Variants in IQCM observed in about 807,000 individuals in gnomAD.
The protein encoded by IQCM is IQ motif containing M.
Under a neutral mutation model 57.6 loss-of-function variants are expected in IQCM, and 45 were observed. The ratio of observed to expected loss-of-function variants is 0.78; its 90% CI spans 0.62 to 1.00. The LOEUF is 1.00. Among genes scored for constraint, IQCM ranks in the 50% least tolerant of loss-of-function variants. The pLI, the probability that IQCM is intolerant of heterozygous loss-of-function variation, is 0.00. For synonymous variants in IQCM, 148 were observed against 158.9 expected, an observed-to-expected ratio of 0.93 and a Z score of 0.51; for missense variants, 468 against 511.6, an observed-to-expected ratio of 0.91 and a Z score of 0.82.
intron 5 of IQCM, among the ~76,000 whole-genome samples, chr4:149,718,499 T>C (rs186968435): frequency 6.6e-6 from 1 of 152,344 alleles, no homozygotes; most frequent in Admixed American, 6.5e-5. Flanking sequence ...ACTTCTATAC[T>C]CCTTTTGACA....
chr4:149,377,395 T>G (rs986053771), intron 13 of IQCM, among the ~76,000 whole-genome samples: 4 of 152,158 alleles, frequency 2.6e-5, no homozygotes, highest in Non-Finnish European at 1.5e-5. Context: ...TCATCTGGAA[T>G]GATGCTTGCA....
intron 13 of IQCM, among the ~76,000 whole-genome samples, chr4:149,364,208 AAG>A (rs1729682978): frequency 6.6e-6 from 1 of 152,170 alleles, no homozygotes; most frequent in South Asian, 2.1e-4. Context: ...GGAATAGAAA[AAG>A]AGAAATCTCA....
intron 2 of IQCM, among the ~76,000 whole-genome samples, chr4:149,799,577 A>G (rs563454261): frequency 6.6e-6 from 1 of 151,934 alleles, no homozygotes; most frequent in South Asian, 2.1e-4. Flanking sequence ...AACTAAAATG[A>G]CCAACCTTTA....
intron 12 of IQCM, among the ~76,000 whole-genome samples, chr4:149,519,571 G>A (rs1366227611): frequency 4.6e-5 from 7 of 152,006 alleles, no homozygotes; most frequent in Admixed American, 6.5e-5. Flanking sequence ...GCGTGAACCC[G>A]AGAGGCAGAG....
intron 8 of IQCM, among the ~76,000 whole-genome samples, chr4:149,590,921 T>A (rs1163817943): frequency 6.6e-6 from 1 of 152,244 alleles, no homozygotes; most frequent in East Asian, 1.9e-4. Context: ...TATGTGTGCA[T>A]GTGTCTTTAC....
chr4:149,602,216 T>C (rs1051982496), intron 8 of IQCM, among the ~76,000 whole-genome samples: 2 of 152,092 alleles, frequency 1.3e-5, no homozygotes, highest in African/African-American at 4.8e-5. Flanking sequence ...GGAGGGCTTG[T>C]ACAGATTATA....
intron 12 of IQCM, among the ~76,000 whole-genome samples, chr4:149,478,594 A>G (rs1326547332): frequency 6.6e-6 from 1 of 152,178 alleles, no homozygotes; most frequent in Non-Finnish European, 1.5e-5. Context: ...TGATACCTGT[A>G]GAGTTATGCA....
At position 149,433,490 on chromosome 4, in the gene IQCM, A is replaced by C. The variant is rs553890532; in HGVS notation, c.1296T>G (p.Tyr432Ter). 8.3e-7 allele frequency: 1 copy of C among 1,212,064 alleles called. No individual in the cohort carries two copies. Among genetic ancestry groups the C allele is most frequent in the African/African-American group, 1.6e-5 (1 of 63,974 alleles). The allele number at this position is 1,212,064 out of a possible 1,614,324, so 75.1% of individuals were successfully genotyped here. A position where few individuals can be genotyped will look rare whatever the true frequency, so the allele number is the denominator to read the frequency against. ...SKAIEMLFTL[Y>*]PPEGAHVPDS... ...CAGGCACATGTGCACCTTCAGGAGG[A>C]TAGAGTGTAAATAACATTTCAATTG... Residue 432 changes from tyrosine (Y) to a stop codon, truncating the protein, a stop_gained, in exon 13 of 14, where the codon TAT becomes TAG. Transcript: ENST00000636793. LOFTEE classifies it high-confidence loss of function.
rs971282924 is a variant in IQCM, at chr4:149,723,886, T to A, written c.385+9358A>T. On this transcript the variant is annotated intron_variant, in intron 5 of 13. Coordinates refer to ENST00000636793, the MANE Select transcript of IQCM (RefSeq NM_001363507.2). ...TGATACCAATTCTACTTTGGATGTC[T>A]GGTAGAATTTGTCTATGAATCTGGG... Among the ~76,000 whole-genome samples the A allele has an allele frequency of 1.6e-4, 24 of 151,798 alleles. 1 individual carries two copies. In the East Asian group the frequency reaches 4.3e-3, roughly 27 times the overall value.
chr4:149,733,704 T>A (rs1408873130), intron 4 of IQCM, among the ~76,000 whole-genome samples, 196 bp from the exon 5 acceptor site: 2 of 152,152 alleles, frequency 1.3e-5, no homozygotes, highest in African/African-American at 4.8e-5. Flanking sequence ...GATGTTATTC[T>A]ATGTCACTCT....
intron 11 of IQCM, among the ~76,000 whole-genome samples, chr4:149,551,539 G>A (rs2149903437): frequency 6.6e-6 from 1 of 152,192 alleles, no homozygotes; most frequent in South Asian, 2.1e-4. Flanking sequence ...GACTAATTGA[G>A]TAAAATAGTA....
At chr4:149,581,063 A>T (rs1752133300) in intron 9 of IQCM, among the ~76,000 whole-genome samples, 1 of 151,616 alleles carries the variant, frequency 6.6e-6, no homozygotes, top group African/African-American at 2.4e-5. Context: ...GTGTTAGAAG[A>T]TGATGTGTGC....
At chr4:149,726,966 G>A (rs192557379) in intron 5 of IQCM, among the ~76,000 whole-genome samples, 22 of 152,088 alleles carry the variant, frequency 1.4e-4, no homozygotes, top group Admixed American at 1.2e-3. Flanking sequence ...ATGTTAGCCA[G>A]GCTGATCTCC....
intron 8 of IQCM, among the ~76,000 whole-genome samples, chr4:149,595,367 A>T (rs1753672412): frequency 6.6e-6 from 1 of 152,142 alleles, no homozygotes; most frequent in African/African-American, 2.4e-5. Context: ...GGTTTTAAAC[A>T]ACCTTGTGAC....
At chr4:149,699,092 A>G (rs955637861) in intron 5 of IQCM, among the ~76,000 whole-genome samples, 2 of 152,142 alleles carry the variant, frequency 1.3e-5, no homozygotes, top group Non-Finnish European at 2.9e-5. Context: ...GTATAAGACT[A>G]TGAGTGCCAT....
At chr4:149,620,331 C>T (rs896900236) in intron 8 of IQCM, among the ~76,000 whole-genome samples, 2 of 151,878 alleles carry the variant, frequency 1.3e-5, no homozygotes, top group Non-Finnish European at 2.9e-5. Flanking sequence ...TTGTTTAATC[C>T]ATCCAGTCTG....
chr4:149,519,321 C>A (rs1277417060), intron 12 of IQCM, among the ~76,000 whole-genome samples: 5 of 152,138 alleles, frequency 3.3e-5, no homozygotes, highest in Admixed American at 1.3e-4. Flanking sequence ...TCAGACCATA[C>A]CCTTAAAAGT....
chr4:149,562,614 G>A (rs1750232496), intron 10 of IQCM, among the ~76,000 whole-genome samples: 1 of 151,952 alleles, frequency 6.6e-6, no homozygotes, highest in Non-Finnish European at 1.5e-5. Flanking sequence ...TTTGACTTTG[G>A]GCAAATAATT....
At chr4:149,391,331 A>G (rs552967150) in intron 13 of IQCM, among the ~76,000 whole-genome samples, 1 of 152,068 alleles carries the variant, frequency 6.6e-6, no homozygotes, top group African/African-American at 2.4e-5. Flanking sequence ...TATAAGGTCA[A>G]TAACAATAGC....
Sources: allele counts gnomAD v4.1 joint callset (sites outside exome capture counted in the v4.1 genomes callset), GRCh38; gene constraint gnomAD v4.1.1; transcripts MANE v1.5; gene names NCBI Gene and HGNC (gene_info 2026-07-23, HGNC 2026-07-21).